The following WWOX variants were observed in gnomAD, a reference collection of about 807,000 sequenced individuals.
WWOX encodes the protein WW domain-containing oxidoreductase.
WWOX carries 69 observed loss-of-function variants against 46.2 expected under a neutral mutation model. The ratio of observed to expected loss-of-function variants is 1.49; its 90% CI spans 1.23 to 1.82. WWOX has a LOEUF of 1.82. Ranked by LOEUF, WWOX falls within the 40% of genes most tolerant of loss-of-function variation. The pLI is 0.00. For synonymous variants in WWOX, 359 were observed against 202.6 expected (o/e 1.77, Z -6.56); for missense variants, 919 against 542.6 (o/e 1.69, Z -6.89).
intron 8 of WWOX, among the ~76,000 whole-genome samples, chr16:79,074,022 T>C (rs2048602677): frequency 6.6e-6 from 1 of 151,624 alleles, no homozygotes; most frequent in Non-Finnish European, 1.5e-5. Context: ...CCTTTCACCA[T>C]GGTTAGTTCG....
chr16:79,031,954 A>G (rs2047770016), intron 8 of WWOX, among the ~76,000 whole-genome samples: 3 of 143,796 alleles, frequency 2.1e-5, no homozygotes, highest in African/African-American at 7.5e-5. Context: ...ATCTGTATAT[A>G]TATATAGAAA....
chr16:78,952,214 C>T (rs373205253), intron 8 of WWOX, among the ~76,000 whole-genome samples: 2 of 152,056 alleles, frequency 1.3e-5, no homozygotes, highest in African/African-American at 4.8e-5. Context: ...TGGTTTCTCC[C>T]TTACTTTGCC....
chr16:78,299,975 G>A (rs896390139), intron 5 of WWOX, among the ~76,000 whole-genome samples: 4 of 152,140 alleles, frequency 2.6e-5, no homozygotes, highest in African/African-American at 9.7e-5. Context: ...AGTCTAAAAG[G>A]CTTGGCCGCA....
At chr16:79,063,808 C>A (rs1018184270) in intron 8 of WWOX, among the ~76,000 whole-genome samples, 1 of 151,974 alleles carries the variant, frequency 6.6e-6, no homozygotes, top group African/African-American at 2.4e-5. Flanking sequence ...TTCTGTGGGA[C>A]CTAAAGAGTT....
At chr16:78,950,281 G>A (rs1204799276) in intron 8 of WWOX, among the ~76,000 whole-genome samples, 1 of 152,090 alleles carries the variant, frequency 6.6e-6, no homozygotes, top group Non-Finnish European at 1.5e-5. Flanking sequence ...TGTGCCTTTG[G>A]AGTGGGGCGG....
chr16:79,036,048 T>G (rs2047860056), intron 8 of WWOX, among the ~76,000 whole-genome samples: 1 of 152,236 alleles, frequency 6.6e-6, no homozygotes, highest in African/African-American at 2.4e-5. Flanking sequence ...AGTCCACCTC[T>G]GTGGTCTCTC....
intron 5 of WWOX, among the ~76,000 whole-genome samples, chr16:78,266,822 C>CTCTCTCTCTCTG (rs1480587353): frequency 6.0e-5 from 9 of 150,154 alleles, no homozygotes; most frequent in African/African-American, 2.2e-4. Context: ...CTCTCTCTCT[C>CTCTCTCTCTCTG]TCTGTCTCCC....
intron 8 of WWOX, among the ~76,000 whole-genome samples, chr16:78,944,628 T>C (rs542870117): frequency 4.6e-4 from 70 of 152,304 alleles, no homozygotes; most frequent in African/African-American, 1.6e-3. Flanking sequence ...ATCTTTGGAA[T>C]GAATGGCGGG....
chr16:79,165,764 G>C (rs28615616), intron 8 of WWOX, among the ~76,000 whole-genome samples: 1 of 152,150 alleles, frequency 6.6e-6, no homozygotes, highest in Non-Finnish European at 1.5e-5. Flanking sequence ...GCTAGTCAAA[G>C]CATTACTTTG....
At chr16:78,809,337 C>T (rs906033442) in intron 8 of WWOX, among the ~76,000 whole-genome samples, 3 of 140,664 alleles carry the variant, frequency 2.1e-5, no homozygotes, top group East Asian at 2.1e-4. Context: ...AAAGAAAAAA[C>T]CACCGTGGTA....
rs554618040 is a variant in WWOX at position 78,810,775 on chromosome 16, T to C, written c.1056+378023T>C. Among the ~76,000 whole-genome samples, 8 of 152,312 alleles carry C rather than the reference T, an allele frequency of 5.3e-5. No homozygotes were observed. In the South Asian group the frequency reaches 8.3e-4, roughly 16 times the overall value. Reference sequence around the variant, plus strand: ...GAATAACTCTATGAAGACTTTCTTTTTGGAGACAAATCATCTTATGCAGGG... The same window carrying C: ...GAATAACTCTATGAAGACTTTCTTTCTGGAGACAAATCATCTTATGCAGGG... On this transcript the variant is annotated intron_variant, in intron 8 of 8. Transcript: ENST00000566780.
At chr16:78,382,475 G>A (rs72796073) in intron 5 of WWOX, among the ~76,000 whole-genome samples, 8,088 of 152,234 alleles carry the variant, frequency 0.053, 283 homozygotes, top group East Asian at 0.12. Context: ...ATAATTCTGG[G>A]TTATTCTAAT....
At chr16:78,541,016 G>A (rs567787950) in intron 8 of WWOX, among the ~76,000 whole-genome samples, 2 of 152,132 alleles carry the variant, frequency 1.3e-5, no homozygotes, top group African/African-American at 2.4e-5. Context: ...ATTGTCAGCT[G>A]AGTTGGGGAG....
chr16:78,464,405 C>G (rs2084024723), intron 8 of WWOX, among the ~76,000 whole-genome samples: 1 of 151,998 alleles, frequency 6.6e-6, no homozygotes, highest in Admixed American at 6.6e-5. Context: ...TAATGGAGAT[C>G]CTGGCCAAAA....
chr16:78,719,717 A>G (rs1006862677), intron 8 of WWOX, among the ~76,000 whole-genome samples: 11 of 152,242 alleles, frequency 7.2e-5, no homozygotes, highest in African/African-American at 2.7e-4. Flanking sequence ...AACATTTGTA[A>G]TTTACCAAAT....
At chr16:78,747,607 A>G (rs2049378833) in intron 8 of WWOX, among the ~76,000 whole-genome samples, 1 of 152,112 alleles carries the variant, frequency 6.6e-6, no homozygotes. Flanking sequence ...CAAATGGTGG[A>G]GTCGAATTCA....
intron 5 of WWOX, among the ~76,000 whole-genome samples, chr16:78,278,930 C>G (rs1172563314): frequency 6.6e-6 from 1 of 151,916 alleles, no homozygotes; most frequent in African/African-American, 2.4e-5. Context: ...TTTCTGTGTA[C>G]ATAAGTGTGT....
chr16:78,778,716 A>G (rs1403916895), intron 8 of WWOX, among the ~76,000 whole-genome samples: 4 of 152,180 alleles, frequency 2.6e-5, no homozygotes, highest in African/African-American at 9.7e-5. Flanking sequence ...AGGTTTGCAG[A>G]TTGGCCTGAA....
At chr16:78,118,736 A>T (rs1048724021) in intron 4 of WWOX, among the ~76,000 whole-genome samples, 2 of 152,194 alleles carry the variant, frequency 1.3e-5, no homozygotes, top group East Asian at 3.8e-4. Flanking sequence ...AGTTCATTGA[A>T]AGTGATATCA....
Sources: gnomAD v4.1 joint callset for allele counts (sites outside exome capture counted in the v4.1 genomes callset) on GRCh38, gnomAD v4.1.1 for gene constraint, MANE v1.5 for transcripts, NCBI Gene and HGNC (gene_info 2026-07-23, HGNC 2026-07-21) for gene names.